NTRK1: variants seen among roughly 807,000 people sequenced by gnomAD.
NTRK1 encodes high affinity nerve growth factor receptor.
In NTRK1, 62 loss-of-function variants were observed where a neutral mutation model predicts 86.8. The observed-to-expected ratio is 0.71, with a 90% CI of 0.58 to 0.88. The LOEUF is 0.88. NTRK1 is among the 40% of genes least tolerant of loss of function. The pLI, the probability that NTRK1 is intolerant of heterozygous loss-of-function variation, is 0.00. For missense variants in NTRK1, 967 were observed against 1,078.4 expected (o/e 0.90, Z 1.45); for synonymous variants, 469 against 456.6 (o/e 1.03, Z -0.35).
intron 2 of NTRK1, chr1:156,844,606 C>T: frequency 6.2e-7 from 1 of 1,614,174 alleles, no homozygotes; most frequent in Non-Finnish European, 8.5e-7. Flanking sequence ...AGACGGGACA[C>T]ACACAGCACT....
At chr1:156,824,316 G>A (rs1654266135) in intron 1 of NTRK1, among the ~76,000 whole-genome samples, 1 of 152,166 alleles carries the variant, frequency 6.6e-6, no homozygotes. Context: ...GAGCCACAGT[G>A]CTGTTAGCAC....
At chr1:156,844,955 G>T in intron 2 of NTRK1, 1 of 1,551,298 alleles carries the variant, frequency 6.4e-7, no homozygotes, top group East Asian at 2.3e-5. Context: ...TGGGATTATG[G>T]GAACTGAGAG....
chr1:156,865,931 G>A (rs1196873422), intron 3 of NTRK1, among the ~76,000 whole-genome samples: 2 of 152,166 alleles, frequency 1.3e-5, no homozygotes. Context: ...TATGCACCGG[G>A]GCTTCAGTTA....
intron 7 of NTRK1, among the ~76,000 whole-genome samples, chr1:156,872,950 T>C (rs1410530737): frequency 1.3e-5 from 2 of 151,866 alleles, no homozygotes; most frequent in Non-Finnish European, 2.9e-5. Context: ...GTATTGGAAT[T>C]ACAGGCGTGA....
chr1:156,848,828 C>A (rs1336896941), intron 2 of NTRK1: 2 of 1,450,726 alleles, frequency 1.4e-6, no homozygotes, highest in East Asian at 5.0e-5. Context: ...GTCTTCATAG[C>A]CTCGCTGAGC....
chr1:156,826,860 G>A (rs1654331834), intron 1 of NTRK1, among the ~76,000 whole-genome samples: 1 of 152,214 alleles, frequency 6.6e-6, no homozygotes, highest in Non-Finnish European at 1.5e-5. Flanking sequence ...GAAAGGAGCA[G>A]TGGGATATCT....
intron 12 of NTRK1, 21 bp downstream of exon 12, chr1:156,875,687 A>C: frequency 1.3e-6 from 2 of 1,587,664 alleles, no homozygotes; most frequent in Non-Finnish European, 1.7e-6. Context: ...ATGCTGGGTC[A>C]AGGGCAGGGA....
rs757012840 is a variant in NTRK1, at chr1:156,873,726, GGCTCT to G, written c.945_949del (p.Trp315CysfsTer8). On this transcript the variant is annotated frameshift_variant, in exon 8 of 17. Coordinates refer to ENST00000524377, the MANE Select transcript of NTRK1 (RefSeq NM_002529.4). LOFTEE classifies it high-confidence loss of function. ...GGGCAGCCGGCACCGTCTCTGCGCT[GGCTCT>G]TCAATGGCTCCGTGCTCAATGAGAC... 1 of 1,612,862 alleles carries G rather than the reference GGCTCT, an allele frequency of 6.2e-7. No homozygotes were observed. The highest frequency in any genetic ancestry group is 1.3e-5 in the African/African-American group (1 of 74,880).
At chr1:156,846,593 G>T in intron 2 of NTRK1, 3 of 1,614,160 alleles carry the variant, frequency 1.9e-6, no homozygotes, top group Non-Finnish European at 2.5e-6. Flanking sequence ...AGTGGTTAGC[G>T]TGATGGCCCG....
In NTRK1 at chr1:156,881,695, C is replaced by T; in HGVS notation, c.*53C>T. 6.6e-7 allele frequency: 1 copy of T among 1,512,818 alleles called. No homozygotes were observed. Among genetic ancestry groups the T allele is most frequent in the Non-Finnish European group, 8.9e-7 (1 of 1,119,788 alleles). The allele number at this position is 1,512,818 out of a possible 1,614,324, so 93.7% of individuals were successfully genotyped here. ...TAGCCGGAATACTGGGGCCTGCCCT[C>T]AGCATCCCCCATAGCTCCCAGCAGC... On this transcript the variant is annotated 3_prime_UTR_variant, in exon 17 of 17. Transcript: ENST00000524377.
chr1:156,850,723 T>C (rs1655178001), intron 2 of NTRK1, among the ~76,000 whole-genome samples: 1 of 150,228 alleles, frequency 6.7e-6, no homozygotes, highest in Non-Finnish European at 1.5e-5. Context: ...CCCATCTACT[T>C]TTTTTGTATT....
intron 6 of NTRK1, among the ~76,000 whole-genome samples, chr1:156,871,090 G>A (rs1028289135): frequency 3.4e-4 from 52 of 152,242 alleles, no homozygotes; most frequent in Admixed American, 3.9e-4. Flanking sequence ...AAACAGGAAT[G>A]AATAGGCAGT....
At chr1:156,872,929 G>A (rs189006119) in intron 7 of NTRK1, among the ~76,000 whole-genome samples, 235 of 151,672 alleles carry the variant, frequency 1.5e-3, no homozygotes, top group Admixed American at 2.5e-3. Flanking sequence ...CGCCCGCCTC[G>A]GCCTCCCAAA....
intron 1 of NTRK1, among the ~76,000 whole-genome samples, chr1:156,863,738 C>A (rs774667300): frequency 6.6e-6 from 1 of 151,972 alleles, no homozygotes; most frequent in Non-Finnish European, 1.5e-5. Context: ...TGGGCGGGCA[C>A]GTTTGGGAAC....
chr1:156,879,465 G>A (rs1648122039), intron 15 of NTRK1, 103 bp downstream of exon 15: 6 of 1,436,868 alleles, frequency 4.2e-6, no homozygotes, highest in East Asian at 2.3e-5. Flanking sequence ...GGCTGCATGG[G>A]TCTGAGATTC....
At chr1:156,858,557 A>G (rs1484796854), upstream of NTRK1, 2 of 1,613,864 alleles carry the variant, frequency 1.2e-6, no homozygotes, top group Non-Finnish European at 1.7e-6. Flanking sequence ...ATCCAGGCCA[A>G]ATCCCAAGGA....
upstream of NTRK1, chr1:156,860,703 G>T (rs1287767864): frequency 4.3e-6 from 3 of 700,402 alleles, no homozygotes; most frequent in Non-Finnish European, 4.2e-6. Flanking sequence ...TCGGGGAGAA[G>T]GCTGACGCTG....
At chr1:156,835,327 A>G (rs1165463465) in intron 1 of NTRK1, among the ~76,000 whole-genome samples, 2 of 152,166 alleles carry the variant, frequency 1.3e-5, no homozygotes, top group African/African-American at 4.8e-5. Flanking sequence ...GAGAGTATGT[A>G]TGTGACAGAG....
intron 1 of NTRK1, chr1:156,816,082 G>A (rs1382512428): frequency 1.9e-6 from 3 of 1,613,492 alleles, no homozygotes; most frequent in African/African-American, 1.3e-5. Flanking sequence ...TGGGATGGGG[G>A]CTTCGTGACT....
Sources: gnomAD v4.1 joint callset for allele counts (sites outside exome capture counted in the v4.1 genomes callset) on GRCh38, gnomAD v4.1.1 for gene constraint, MANE v1.5 for transcripts, NCBI Gene and HGNC (gene_info 2026-07-23, HGNC 2026-07-21) for gene names.